Variants in CA10 observed in about 807,000 individuals in gnomAD.
CA10 encodes carbonic anhydrase 10 (inactive).
A neutral mutation model predicts 44.2 loss-of-function variants in CA10; 14 were observed. That is an observed-to-expected ratio of 0.32 (90% CI 0.21 to 0.50). CA10 has a LOEUF of 0.50. Ranked by LOEUF, CA10 falls within the 20% of genes least tolerant of loss-of-function variation. The probability of loss-of-function intolerance (pLI) is 0.99; values close to 1 mark genes in which losing one functional copy is unlikely to be tolerated. For synonymous variants in CA10, 159 were observed against 141.6 expected (o/e 1.12, Z -0.87); for missense variants, 350 against 409.7 (o/e 0.85, Z 1.26).
Position 51,631,345 on chromosome 17 carries a change from T to C in CA10, c.*239A>G, listed in dbSNP as rs1395685626. 3 of 557,118 alleles carry C rather than the reference T, an allele frequency of 5.4e-6. No homozygotes were observed. The highest frequency in any genetic ancestry group is 9.7e-6 in the Non-Finnish European group (3 of 309,848). The allele number at this position is 557,118 out of a possible 1,614,324, so 34.5% of individuals were successfully genotyped here. A position where few individuals can be genotyped will look rare whatever the true frequency, so the allele number is the denominator to read the frequency against. ...GTAAGAGTGTGTGTGTGTGTAGGTA[T>C]GTTTGCATGTGTTTGTATGTATGTG... On this transcript the variant is annotated 3_prime_UTR_variant, in exon 9 of 9. Transcript: ENST00000451037.
intron 3 of CA10, among the ~76,000 whole-genome samples, chr17:51,818,273 C>G (rs1907642648): frequency 6.6e-6 from 1 of 152,178 alleles, no homozygotes; most frequent in Admixed American, 6.5e-5. Flanking sequence ...CTGAGTAAAT[C>G]TTTCTTTTTT....
At chr17:52,127,334 A>G (rs1186592161) in intron 1 of CA10, among the ~76,000 whole-genome samples, 1 of 151,938 alleles carries the variant, frequency 6.6e-6, no homozygotes, top group Non-Finnish European at 1.5e-5. Context: ...GATCCACTAC[A>G]GTTTACCTAC....
intron 3 of CA10, among the ~76,000 whole-genome samples, chr17:51,779,075 C>T (rs1323131769): frequency 6.6e-6 from 1 of 152,152 alleles, no homozygotes; most frequent in African/African-American, 2.4e-5. Context: ...TATAATAATA[C>T]TGAAGCCCTC....
chr17:52,059,841 C>A (rs1047452637), intron 2 of CA10, among the ~76,000 whole-genome samples: 16 of 152,288 alleles, frequency 1.1e-4, no homozygotes, highest in African/African-American at 3.4e-4. Flanking sequence ...ATTCTACTCT[C>A]AAACACAAAG....
intron 3 of CA10, among the ~76,000 whole-genome samples, chr17:51,887,531 GT>G (rs1483399589): frequency 6.6e-6 from 1 of 152,196 alleles, no homozygotes; most frequent in Non-Finnish European, 1.5e-5. Flanking sequence ...AAATAACATG[GT>G]TGGGATCCTT....
chr17:51,739,092 A>G (rs1904357096), intron 4 of CA10, among the ~76,000 whole-genome samples: 1 of 152,124 alleles, frequency 6.6e-6, no homozygotes, highest in Non-Finnish European at 1.5e-5. Flanking sequence ...TATGTCTGGA[A>G]GTGAGAGATG....
intron 2 of CA10, among the ~76,000 whole-genome samples, chr17:52,042,538 C>T (rs865895667): frequency 6.6e-6 from 1 of 151,776 alleles, no homozygotes; most frequent in Middle Eastern, 3.2e-3. Flanking sequence ...AATATTTTCT[C>T]CCATTCTATA....
intron 3 of CA10, among the ~76,000 whole-genome samples, chr17:51,842,971 G>C (rs7219262): frequency 0.24 from 36,793 of 151,918 alleles, 8,054 homozygotes; most frequent in African/African-American, 0.59. Flanking sequence ...ATTAAGTTAT[G>C]TGCAAATGAT....
chr17:52,093,662 T>A (rs1988327848), intron 1 of CA10, among the ~76,000 whole-genome samples: 1 of 152,186 alleles, frequency 6.6e-6, no homozygotes, highest in Non-Finnish European at 1.5e-5. Flanking sequence ...TAAGAGAAGA[T>A]GCTAGTATAA....
At chr17:52,053,508 A>G (rs1335630638) in intron 2 of CA10, among the ~76,000 whole-genome samples, 3 of 152,158 alleles carry the variant, frequency 2.0e-5, no homozygotes, top group African/African-American at 7.2e-5. Context: ...ACGGATAAAT[A>G]GAAAAAATGA....
intron 2 of CA10, among the ~76,000 whole-genome samples, chr17:52,060,457 T>C (rs577200976): frequency 3.3e-5 from 5 of 152,280 alleles, no homozygotes; most frequent in African/African-American, 1.2e-4. Context: ...GGTTTCTTAG[T>C]TTTGACAAAT....
chr17:51,888,076 C>T (rs775380435), intron 3 of CA10, among the ~76,000 whole-genome samples: 23 of 151,814 alleles, frequency 1.5e-4, no homozygotes, highest in Non-Finnish European at 2.9e-4. Context: ...TGTGTGATCA[C>T]TTCACATGAT....
chr17:52,063,616 G>C (rs1451385613), intron 2 of CA10, among the ~76,000 whole-genome samples: 1 of 152,072 alleles, frequency 6.6e-6, no homozygotes, highest in Admixed American at 6.6e-5. Flanking sequence ...CAATTTCTCT[G>C]TATCTCTTGC....
chr17:52,038,331 T>A (rs775013889), intron 2 of CA10, among the ~76,000 whole-genome samples: 2 of 152,172 alleles, frequency 1.3e-5, no homozygotes, highest in Non-Finnish European at 2.9e-5. Flanking sequence ...AACTTTAAAA[T>A]ACTGTTATCG....
At chr17:51,661,574 C>G (rs1914009441) in intron 4 of CA10, 1 of 152,214 alleles carries the variant, frequency 6.6e-6, no homozygotes, top group African/African-American at 2.4e-5. Flanking sequence ...AGTAACCATT[C>G]CATAGTAAGC....
rs147883341 is a variant in CA10, at chr17:51,891,008, AAAGATGG to A, written c.279+39975_279+39981del. On this transcript the variant is annotated intron_variant, in intron 3 of 8. Coordinates refer to ENST00000451037, the MANE Select transcript of CA10 (RefSeq NM_020178.5). Reference sequence around the variant, plus strand: ...ATAAGTAGGTCAACAATAGTTCAGGAAAGATGGAATTCCAGATCTAAGAAAATAATTT... The same window carrying A: ...ATAAGTAGGTCAACAATAGTTCAGGAAATTCCAGATCTAAGAAAATAATTT... 4.5e-3 allele frequency among the ~76,000 whole-genome samples: 681 copies of A among 152,364 alleles called. 5 individuals are homozygous for A. The highest frequency in any genetic ancestry group is 0.016 in the African/African-American group (660 of 41,588).
chr17:52,088,710 T>C (rs1988183207), intron 1 of CA10, among the ~76,000 whole-genome samples: 1 of 152,130 alleles, frequency 6.6e-6, no homozygotes. Flanking sequence ...AAACAATAGG[T>C]TTTCTCAAAT....
chr17:51,866,071 T>C (rs1252129534), intron 3 of CA10, among the ~76,000 whole-genome samples: 1 of 152,246 alleles, frequency 6.6e-6, no homozygotes, highest in Non-Finnish European at 1.5e-5. Context: ...AATAAATGGC[T>C]ATTGCCAAAT....
intron 2 of CA10, among the ~76,000 whole-genome samples, chr17:52,022,033 G>A (rs935832608): frequency 6.6e-5 from 10 of 151,998 alleles, no homozygotes; most frequent in Non-Finnish European, 1.0e-4. Flanking sequence ...AAAGGAGGAG[G>A]ACTGCTTCTC....
Sources: allele counts gnomAD v4.1 joint callset (sites outside exome capture counted in the v4.1 genomes callset), GRCh38; gene constraint gnomAD v4.1.1; transcripts MANE v1.5; gene names NCBI Gene and HGNC (gene_info 2026-07-23, HGNC 2026-07-21).